CBLB: variants seen among roughly 807,000 people sequenced by gnomAD.
CBLB encodes E3 ubiquitin-protein ligase CBL-B.
Under a neutral mutation model 104.9 loss-of-function variants are expected in CBLB, and 31 were observed. That is an observed-to-expected ratio of 0.30 (90% CI 0.22 to 0.40). The LOEUF (loss-of-function observed/expected upper bound fraction) is 0.40. Ranked by LOEUF, CBLB falls within the 10% of genes least tolerant of loss-of-function variation. The probability of loss-of-function intolerance (pLI) is 1.00; values close to 1 mark genes in which losing one functional copy is unlikely to be tolerated. For synonymous variants in CBLB, 440 were observed against 422.6 expected, an observed-to-expected ratio of 1.04 and a Z score of -0.51; for missense variants, 1,062 against 1,214.6, an observed-to-expected ratio of 0.87 and a Z score of 1.87.
intron 2 of CBLB, among the ~76,000 whole-genome samples, chr3:105,854,489 C>T (rs2091345548): frequency 6.6e-6 from 1 of 152,056 alleles, no homozygotes. Flanking sequence ...TTGAGAATTG[C>T]ACAGTAGCAT....
chr3:105,721,526 A>G (rs1032188535), intron 9 of CBLB, among the ~76,000 whole-genome samples: 3 of 152,208 alleles, frequency 2.0e-5, no homozygotes, highest in Non-Finnish European at 4.4e-5. Context: ...AGAAAAATCA[A>G]TTGCAACATA....
intron 3 of CBLB, among the ~76,000 whole-genome samples, chr3:105,798,203 T>C (rs2082447287): frequency 6.6e-6 from 1 of 152,238 alleles, no homozygotes; most frequent in African/African-American, 2.4e-5. Flanking sequence ...AAAGTCCTAG[T>C]TAATTCCTTT....
chr3:105,818,882 TTTAGA>T (rs932065494), intron 3 of CBLB, among the ~76,000 whole-genome samples: 2 of 148,392 alleles, frequency 1.3e-5, no homozygotes, highest in Non-Finnish European at 3.0e-5. Flanking sequence ...AGTCTAGAGA[TTTAGA>T]TTAATTTGTA....
intron 3 of CBLB, among the ~76,000 whole-genome samples, chr3:105,794,869 A>G (rs543727150): frequency 1.5e-4 from 23 of 152,088 alleles, no homozygotes; most frequent in Admixed American, 5.2e-4. Flanking sequence ...AAATGCATGC[A>G]TATATGCACC....
chr3:105,698,534 A>G (rs2068678874), intron 12 of CBLB, among the ~76,000 whole-genome samples: 1 of 148,738 alleles, frequency 6.7e-6, no homozygotes. Context: ...AAATGGGAAG[A>G]TGCTACTAGA....
chr3:105,763,294 C>T (rs898573237), intron 4 of CBLB, among the ~76,000 whole-genome samples: 3 of 152,058 alleles, frequency 2.0e-5, no homozygotes, highest in Non-Finnish European at 4.4e-5. Context: ...GGGATTGTTG[C>T]GAAGGCATGA....
chr3:105,866,618 A>G (rs1156795416), intron 2 of CBLB, among the ~76,000 whole-genome samples: 1 of 152,264 alleles, frequency 6.6e-6, no homozygotes, highest in African/African-American at 2.4e-5. Context: ...AATCATACTT[A>G]GTAAGGTAGG....
intron 18 of CBLB, among the ~76,000 whole-genome samples, chr3:105,660,535 C>T (rs954253517): frequency 6.6e-6 from 1 of 152,102 alleles, no homozygotes; most frequent in African/African-American, 2.4e-5. Context: ...ATGAAATACA[C>T]TTATGGATTT....
chr3:105,856,809 A>G (rs2091665637), intron 2 of CBLB, among the ~76,000 whole-genome samples: 1 of 152,190 alleles, frequency 6.6e-6, no homozygotes, highest in Non-Finnish European at 1.5e-5. Flanking sequence ...TGGCTGACAG[A>G]GCTTTTTTTA....
intron 2 of CBLB, among the ~76,000 whole-genome samples, chr3:105,857,310 G>A (rs1200166994): frequency 6.6e-6 from 1 of 152,110 alleles, no homozygotes; most frequent in Non-Finnish European, 1.5e-5. Context: ...TTTATCAGGT[G>A]GAAATTGCTT....
At chr3:105,664,278 T>G (rs553177221) in intron 18 of CBLB, among the ~76,000 whole-genome samples, 1 of 152,114 alleles carries the variant, frequency 6.6e-6, no homozygotes, top group Non-Finnish European at 1.5e-5. Flanking sequence ...AAAGTTAGGG[T>G]TTCTGTTAGA....
At chr3:105,851,095 T>C (rs2153115409) in intron 3 of CBLB, among the ~76,000 whole-genome samples, 1 of 152,274 alleles carries the variant, frequency 6.6e-6, no homozygotes, top group South Asian at 2.1e-4. Context: ...TTATTGCAAC[T>C]TTATACATGA....
chr3:105,749,772 AGAAAG>A, intron 5 of CBLB: 1 of 306,776 alleles, frequency 3.3e-6, no homozygotes, highest in Non-Finnish European at 6.5e-6. Flanking sequence ...AAACCTTTAA[AGAAAG>A]GAGAGGTTCC....
intron 17 of CBLB, chr3:105,673,746 T>G (rs112885638): frequency 1.1e-3 from 163 of 152,358 alleles, no homozygotes; most frequent in African/African-American, 3.8e-3. Context: ...AGGAAACTTC[T>G]TTGTAGGATG....
At chr3:105,855,394 A>C (rs1048926662) in intron 2 of CBLB, among the ~76,000 whole-genome samples, 1 of 152,180 alleles carries the variant, frequency 6.6e-6, no homozygotes, top group Non-Finnish European at 1.5e-5. Flanking sequence ...TGCTAAGAGA[A>C]CAGAGTTTAA....
intron 2 of CBLB, among the ~76,000 whole-genome samples, chr3:105,855,600 G>A (rs569660573): frequency 6.6e-6 from 1 of 152,256 alleles, no homozygotes; most frequent in East Asian, 1.9e-4. Context: ...CCACAATGCT[G>A]ACTAGCCTAC....
intron 3 of CBLB, among the ~76,000 whole-genome samples, chr3:105,815,058 A>C (rs1205871449): frequency 6.6e-6 from 1 of 152,046 alleles, no homozygotes; most frequent in Non-Finnish European, 1.5e-5. Context: ...ATTATCTGTA[A>C]TTAGCCCTGT....
chr3:105,694,934 T>C (rs1189632798), intron 12 of CBLB, among the ~76,000 whole-genome samples: 1 of 151,806 alleles, frequency 6.6e-6, no homozygotes, highest in Non-Finnish European at 1.5e-5. Flanking sequence ...CTAATAGATA[T>C]TAATCATTTT....
intron 3 of CBLB, among the ~76,000 whole-genome samples, chr3:105,814,570 T>C (rs1293025166): frequency 6.8e-6 from 1 of 146,058 alleles, no homozygotes; most frequent in Non-Finnish European, 1.5e-5. Flanking sequence ...TAAATGAATA[T>C]GGCAGCAAGT....
Sources: gnomAD v4.1 joint callset for allele counts (sites outside exome capture counted in the v4.1 genomes callset) on GRCh38, gnomAD v4.1.1 for gene constraint, MANE v1.5 for transcripts, NCBI Gene and HGNC (gene_info 2026-07-23, HGNC 2026-07-21) for gene names.